The following TBC1D5 variants were observed in gnomAD, a reference collection of about 807,000 sequenced individuals.
TBC1D5 encodes TBC1 domain family, member 5.
TBC1D5 carries 75 observed loss-of-function variants against 100.3 expected under a neutral mutation model. The observed-to-expected ratio is 0.75, with a 90% CI of 0.62 to 0.91. TBC1D5 has a LOEUF of 0.91. TBC1D5 is among the 40% of genes least tolerant of loss of function. TBC1D5 has a pLI of 0.00. For missense variants in TBC1D5, 910 were observed against 942.4 expected, an observed-to-expected ratio of 0.97 and a Z score of 0.45; for synonymous variants, 323 against 325.6, an observed-to-expected ratio of 0.99 and a Z score of 0.09.
chr3:17,206,995 C>T (rs1379313718), intron 18 of TBC1D5, among the ~76,000 whole-genome samples: 1 of 152,074 alleles, frequency 6.6e-6, no homozygotes, highest in Non-Finnish European at 1.5e-5. Context: ...AGGTCAGTGG[C>T]ACAATCACAG....
intron 3 of TBC1D5, among the ~76,000 whole-genome samples, chr3:17,462,148 A>G (rs1472993005): frequency 6.6e-6 from 1 of 152,024 alleles, no homozygotes; most frequent in East Asian, 1.9e-4. Flanking sequence ...CCTCAGAAAA[A>G]TGTTACACTT....
chr3:17,632,484 T>C (rs2063581776), intron 1 of TBC1D5, among the ~76,000 whole-genome samples: 2 of 152,230 alleles, frequency 1.3e-5, no homozygotes. Flanking sequence ...AAACTCAATT[T>C]TGAAAGAAGT....
intron 3 of TBC1D5, among the ~76,000 whole-genome samples, chr3:17,441,319 G>GT (rs2094650185): frequency 6.6e-6 from 1 of 152,140 alleles, no homozygotes; most frequent in Admixed American, 6.5e-5. Context: ...GAATAAATTT[G>GT]TAAGTTCGGA....
intron 18 of TBC1D5, among the ~76,000 whole-genome samples, chr3:17,213,394 T>C (rs1328397077): frequency 1.3e-5 from 2 of 152,232 alleles, no homozygotes; most frequent in African/African-American, 2.4e-5. Context: ...TGAAGTTGGC[T>C]TATAATAATT....
intron 2 of TBC1D5, among the ~76,000 whole-genome samples, chr3:17,550,699 C>T (rs1217189971): frequency 1.3e-5 from 2 of 151,928 alleles, no homozygotes; most frequent in Non-Finnish European, 2.9e-5. Context: ...TTTTTTAATC[C>T]AATATGTTAT....
At chr3:17,485,348 T>C (rs1028321373) in intron 3 of TBC1D5, among the ~76,000 whole-genome samples, 8 of 151,304 alleles carry the variant, frequency 5.3e-5, no homozygotes, top group Non-Finnish European at 1.2e-4. Context: ...ATTATTATTA[T>C]TATACTTTAA....
At chr3:17,532,865 T>A (rs1378572405) in intron 2 of TBC1D5, among the ~76,000 whole-genome samples, 2 of 150,826 alleles carry the variant, frequency 1.3e-5, no homozygotes, top group Non-Finnish European at 1.5e-5. Context: ...AGGGATAGCA[T>A]TAGGAGATAT....
chr3:17,525,217 A>C (rs113219782), intron 2 of TBC1D5, among the ~76,000 whole-genome samples: 10,502 of 151,948 alleles, frequency 0.069, 714 homozygotes, highest in African/African-American at 0.18. Flanking sequence ...GCAACCTCCG[A>C]CCCCAAGGTT....
At chr3:17,284,111 C>CACACAT (rs1553651913) in intron 15 of TBC1D5, among the ~76,000 whole-genome samples, 75 of 150,978 alleles carry the variant, frequency 5.0e-4, no homozygotes, top group African/African-American at 1.8e-3. Flanking sequence ...CACACACACA[C>CACACAT]ACACACACAC....
At chr3:17,425,098 G>T (rs75614576) in intron 4 of TBC1D5, among the ~76,000 whole-genome samples, 1,800 of 152,190 alleles carry the variant, frequency 0.012, 27 homozygotes, top group Non-Finnish European at 0.014. Context: ...AACAATTTCT[G>T]CAATACCAAA....
intron 8 of TBC1D5, among the ~76,000 whole-genome samples, chr3:17,398,542 C>A (rs2093566688): frequency 6.6e-6 from 1 of 152,014 alleles, no homozygotes; most frequent in African/African-American, 2.4e-5. Flanking sequence ...TAAAATTGAA[C>A]AACACTGATC....
At chr3:17,577,869 G>A (rs1279177395) in intron 2 of TBC1D5, among the ~76,000 whole-genome samples, 1 of 151,938 alleles carries the variant, frequency 6.6e-6, no homozygotes, top group Admixed American at 6.6e-5. Flanking sequence ...GCCAAGTACT[G>A]TCTAAGAAGC....
chr3:17,491,819 G>A (rs898500481), intron 3 of TBC1D5, among the ~76,000 whole-genome samples: 5 of 152,306 alleles, frequency 3.3e-5, no homozygotes, highest in Admixed American at 2.6e-4. Context: ...TTCATAAAAT[G>A]AGTTAGGGAG....
At chr3:17,597,088 G>C (rs2153580245) in intron 2 of TBC1D5, among the ~76,000 whole-genome samples, 1 of 152,268 alleles carries the variant, frequency 6.6e-6, no homozygotes, top group East Asian at 1.9e-4. Flanking sequence ...GCTTATCTGT[G>C]AAGTTATATG....
intron 1 of TBC1D5, among the ~76,000 whole-genome samples, chr3:17,679,591 G>A (rs2153807643): frequency 6.6e-6 from 1 of 151,438 alleles, no homozygotes; most frequent in Admixed American, 6.5e-5. Context: ...CTGTATTACT[G>A]AACTGAAAAT....
chr3:17,546,755 C>T (rs1193415655), intron 2 of TBC1D5, among the ~76,000 whole-genome samples: 1 of 150,172 alleles, frequency 6.7e-6, no homozygotes, highest in Non-Finnish European at 1.5e-5. Flanking sequence ...TGTACTACAG[C>T]CTGGCTGACA....
chr3:17,627,389 A>C lies in TBC1D5; in HGVS notation c.-100-3476T>G, dbSNP rs527334452. Among the ~76,000 whole-genome samples the C allele has an allele frequency of 1.3e-3, 205 of 152,318 alleles. 1 individual carries two copies. Among genetic ancestry groups the C allele is most frequent in the African/African-American group, 4.7e-3 (196 of 41,574 alleles). ...TTAGAGTTCTCTGTGAATACATAAT[A>C]GTTTAAAATCTTGAAAAGGAAGGGA... On this transcript the variant is annotated intron_variant, in intron 1 of 21. Coordinates refer to ENST00000253692, the Ensembl canonical transcript of TBC1D5.
intron 2 of TBC1D5, among the ~76,000 whole-genome samples, chr3:17,514,921 C>A (rs1010989353): frequency 8.6e-5 from 13 of 151,482 alleles, no homozygotes; most frequent in African/African-American, 3.1e-4. Context: ...ACTTTCAATT[C>A]TTGCTGTTCC....
intron 2 of TBC1D5, among the ~76,000 whole-genome samples, chr3:17,602,870 C>T (rs1474907084): frequency 1.3e-5 from 2 of 151,978 alleles, no homozygotes; most frequent in East Asian, 3.9e-4. Context: ...CCACCGTGCC[C>T]GGCCGACAAT....
Sources: allele counts gnomAD v4.1 joint callset (sites outside exome capture counted in the v4.1 genomes callset), GRCh38; gene constraint gnomAD v4.1.1; transcripts MANE v1.5; gene names NCBI Gene and HGNC (gene_info 2026-07-23, HGNC 2026-07-21).